Variants in GFRAL observed in about 807,000 individuals in gnomAD.
GFRAL encodes the protein GDNF family receptor alpha-like.
GFRAL carries 36 observed loss-of-function variants against 45.4 expected under a neutral mutation model. That is an observed-to-expected ratio of 0.79 (90% CI 0.61 to 1.05). GFRAL has a LOEUF of 1.05. Among genes scored for constraint, GFRAL ranks in the 50% least tolerant of loss-of-function variants. The probability of loss-of-function intolerance (pLI) is 0.00; values close to 1 mark genes in which losing one functional copy is unlikely to be tolerated. For synonymous variants in GFRAL, 166 were observed against 154.1 expected, an observed-to-expected ratio of 1.08 and a Z score of -0.57; for missense variants, 507 against 467.5, an observed-to-expected ratio of 1.08 and a Z score of -0.78.
intron 8 of GFRAL, 49 bp downstream of exon 8, chr6:55,399,490 C>A: frequency 8.2e-7 from 1 of 1,222,824 alleles, no homozygotes; most frequent in African/African-American, 1.5e-5. Flanking sequence ...AGTCACTTAG[C>A]TGTGTTAAAG....
chr6:55,369,644 G>A (rs1768423454), intron 6 of GFRAL, among the ~76,000 whole-genome samples: 2 of 152,076 alleles, frequency 1.3e-5, no homozygotes, highest in Non-Finnish European at 1.5e-5. Context: ...GTTTCAAATA[G>A]TGGAATTACT....
intron 3 of GFRAL, among the ~76,000 whole-genome samples, chr6:55,341,851 A>G (rs1180643293): frequency 6.6e-6 from 1 of 152,226 alleles, no homozygotes; most frequent in African/African-American, 2.4e-5. Context: ...GCTGAAAACC[A>G]TGGCACGAGA....
At chr6:55,364,269 A>G (rs1768323033) in intron 6 of GFRAL, among the ~76,000 whole-genome samples, 1 of 151,308 alleles carries the variant, frequency 6.6e-6, no homozygotes, top group Non-Finnish European at 1.5e-5. Flanking sequence ...TCCTTCGCCC[A>G]CTTTTTGTTG....
rs761399509 is a variant in GFRAL at position 55,331,696 on chromosome 6, TTTG to T, written c.23-10_23-8del. On this transcript the variant is annotated splice_polypyrimidine_tract_variant and intron_variant, in intron 1 of 8. Coordinates refer to ENST00000340465, the MANE Select transcript of GFRAL (RefSeq NM_207410.2). ...GCCAAATTTATATTACAACCTTGTTTTTGTTGTTGTTATTCAAGCTATGGGGTT... is the reference window on the plus strand; with the variant it reads ...GCCAAATTTATATTACAACCTTGTTTTTGTTGTTATTCAAGCTATGGGGTT... 7.5e-6 allele frequency: 12 copies of T among 1,591,896 alleles called. No individual in the cohort carries two copies. Among genetic ancestry groups the T allele is most frequent in the South Asian group, 1.2e-5 (1 of 85,508 alleles).
chr6:55,341,305 G>T (rs950214954), intron 3 of GFRAL, among the ~76,000 whole-genome samples: 5 of 152,140 alleles, frequency 3.3e-5, no homozygotes, highest in Non-Finnish European at 5.9e-5. Context: ...CACACAGCTG[G>T]GTACCCCTGT....
intron 6 of GFRAL, among the ~76,000 whole-genome samples, chr6:55,364,378 T>C (rs969488764): frequency 1.3e-5 from 2 of 148,960 alleles, no homozygotes; most frequent in African/African-American, 5.1e-5. Context: ...TTTTCTCCCA[T>C]TTTGTAGGTT....
chr6:55,327,940 T>C (rs1767786493), intron 1 of GFRAL, among the ~76,000 whole-genome samples: 1 of 152,022 alleles, frequency 6.6e-6, no homozygotes, highest in Admixed American at 6.6e-5. Flanking sequence ...TTACAAGTTA[T>C]AAGATGAAAA....
At chr6:55,395,176 AT>A (rs56141358) in intron 6 of GFRAL, among the ~76,000 whole-genome samples, 28,307 of 91,094 alleles carry the variant, frequency 0.31, 3,496 homozygotes, top group Middle Eastern at 0.42. Context: ...AAAAAAAAAA[AT>A]ATATATATAT....
chr6:55,371,309 G>A (rs1409319362), intron 6 of GFRAL, among the ~76,000 whole-genome samples: 1 of 152,104 alleles, frequency 6.6e-6, no homozygotes, highest in Non-Finnish European at 1.5e-5. Context: ...TTCATGTGTA[G>A]CAAAGTTGTT....
At chr6:55,374,434 G>A (rs1291565172) in intron 6 of GFRAL, among the ~76,000 whole-genome samples, 1 of 152,076 alleles carries the variant, frequency 6.6e-6, no homozygotes, top group African/African-American at 2.4e-5. Flanking sequence ...CTTCTTTTGA[G>A]AAGTGTCACT....
chr6:55,345,431 C>A (rs1398366804), intron 3 of GFRAL, among the ~76,000 whole-genome samples: 1 of 152,154 alleles, frequency 6.6e-6, no homozygotes, highest in Non-Finnish European at 1.5e-5. Flanking sequence ...CTGACAAAAA[C>A]ATGAAATCGG....
rs780748391 is a variant in GFRAL, at chr6:55,348,757, C to G, written c.317-1335C>G. 2.6e-5 allele frequency among the ~76,000 whole-genome samples: 4 copies of G among 152,042 alleles called. No individual in the cohort carries two copies. The South Asian group carries it at 8.3e-4, about 32-fold the overall frequency. ...GACACCATCACCCCATAACTGCACA[C>G]GGAGATTATGGCTCCAACTTATGAA... On this transcript the variant is annotated intron_variant, in intron 3 of 8. Transcript: ENST00000340465.
intron 5 of GFRAL, 73 bp from the exon 6 acceptor site, chr6:55,358,815 G>T (rs1389724434): frequency 2.1e-6 from 3 of 1,417,950 alleles, no homozygotes; most frequent in African/African-American, 2.8e-5. Flanking sequence ...CTTTCATTAG[G>T]TGAGGGGGGA....
Position 55,402,141 on chromosome 6 carries a change from C to G in GFRAL, c.*288C>G, listed in dbSNP as rs758204661. The stretch of plus-strand genomic sequence containing the variant: ...TACAGGTACCCGCCACCACGCCCAG[C>G]TAATTTTTTTGTATTTTTAGTAGAG... On this transcript the variant is annotated 3_prime_UTR_variant, in exon 9 of 9. Coordinates refer to ENST00000340465, the MANE Select transcript of GFRAL (RefSeq NM_207410.2). 30 of 233,006 alleles carry G rather than the reference C, an allele frequency of 1.3e-4. No individual in the cohort carries two copies. Among genetic ancestry groups the G allele is most frequent in the Middle Eastern group, 1.4e-3 (1 of 708 alleles). The allele number at this position is 233,006 out of a possible 1,614,324, so 14.4% of individuals were successfully genotyped here.
At chr6:55,368,203 C>T (rs1240270101) in intron 6 of GFRAL, among the ~76,000 whole-genome samples, 5 of 152,046 alleles carry the variant, frequency 3.3e-5, no homozygotes, top group East Asian at 1.9e-4. Context: ...CATCTTCCAT[C>T]GCTGATACCC....
intron 3 of GFRAL, among the ~76,000 whole-genome samples, chr6:55,347,482 T>C (rs544204963): frequency 1.3e-5 from 2 of 152,166 alleles, no homozygotes; most frequent in African/African-American, 4.8e-5. Flanking sequence ...GAGGAGAATA[T>C]TGAGACAGTA....
At chr6:55,350,911 AC>A (rs1768107922) in intron 4 of GFRAL, among the ~76,000 whole-genome samples, 1 of 152,134 alleles carries the variant, frequency 6.6e-6, no homozygotes, top group African/African-American at 2.4e-5. Flanking sequence ...CAATGAGCTA[AC>A]CATAAGCTAC....
rs750462529 is a variant in GFRAL, at chr6:55,331,700, T to A, written c.23-15T>A. 2 of 1,593,048 alleles carry A rather than the reference T, an allele frequency of 1.3e-6. No individual in the cohort carries two copies. The highest frequency in any genetic ancestry group is 2.3e-5 in the South Asian group (2 of 85,610). Reference sequence around the variant, plus strand: ...AATTTATATTACAACCTTGTTTTTGTTGTTGTTATTCAAGCTATGGGGTTA... The same window carrying A: ...AATTTATATTACAACCTTGTTTTTGATGTTGTTATTCAAGCTATGGGGTTA... On this transcript the variant is annotated splice_polypyrimidine_tract_variant and intron_variant, in intron 1 of 8. Transcript: ENST00000340465.
chr6:55,329,781 A>G (rs1767807488), intron 1 of GFRAL, among the ~76,000 whole-genome samples: 1 of 152,102 alleles, frequency 6.6e-6, no homozygotes, highest in Non-Finnish European at 1.5e-5. Flanking sequence ...CCCAGCAAGT[A>G]GTACACATGG....
Sources: gnomAD v4.1 joint callset for allele counts (sites outside exome capture counted in the v4.1 genomes callset) on GRCh38, gnomAD v4.1.1 for gene constraint, MANE v1.5 for transcripts, NCBI Gene and HGNC (gene_info 2026-07-23, HGNC 2026-07-21) for gene names.